The following PPP6C variants were observed in gnomAD, a reference collection of about 807,000 sequenced individuals.
PPP6C encodes the protein serine/threonine-protein phosphatase 6 catalytic subunit.
In PPP6C, 11 loss-of-function variants were observed where a neutral mutation model predicts 39.8. That is an observed-to-expected ratio of 0.28 (90% confidence interval 0.17 to 0.46). PPP6C has a LOEUF of 0.46. Ranked by LOEUF, PPP6C falls within the 20% of genes least tolerant of loss-of-function variation. PPP6C has a pLI of 1.00. For synonymous variants in PPP6C, 129 were observed against 130.3 expected (o/e 0.99, Z 0.07); for missense variants, 211 against 373.9 (o/e 0.56, Z 3.59).
chr9:125,168,786 G>C (rs1427612411), intron 2 of PPP6C, among the ~76,000 whole-genome samples: 2 of 142,240 alleles, frequency 1.4e-5, no homozygotes, highest in Non-Finnish European at 3.1e-5. Context: ...TTTCGAGACA[G>C]AGTCTCACTC....
chr9:125,172,930 G>A (rs1588289672), intron 1 of PPP6C, among the ~76,000 whole-genome samples: 1 of 152,202 alleles, frequency 6.6e-6, no homozygotes, highest in East Asian at 1.9e-4. Flanking sequence ...GGAAAACTGG[G>A]TTATTTTGAA....
rs950430178 is a variant in PPP6C, at chr9:125,147,295, C to T, written c.*2378G>A. Reference sequence around the variant, plus strand: ...CATAGGCAAATAAAAATAGTTTTTACCCCCATTGATACAACATAAGGGATT... The same window carrying T: ...CATAGGCAAATAAAAATAGTTTTTATCCCCATTGATACAACATAAGGGATT... On this transcript the variant is annotated 3_prime_UTR_variant, in exon 7 of 7. Coordinates refer to ENST00000373547, the MANE Select transcript of PPP6C (RefSeq NM_002721.5). The T allele has an allele frequency of 1.1e-4, 16 of 152,132 alleles. No individual in the cohort carries two copies. The highest frequency in any genetic ancestry group is 1.2e-4 in the Non-Finnish European group (8 of 68,010). 9.4% of individuals were successfully genotyped at this position (152,132 alleles called of 1,614,324 possible).
chr9:125,153,627 C>T lies in PPP6C; in HGVS notation c.575G>A (p.Cys192Tyr). The T allele has an allele frequency of 6.2e-7, 1 of 1,614,142 alleles. No homozygotes were observed. The highest frequency in any genetic ancestry group is 8.5e-7 in the Non-Finnish European group (1 of 1,180,034). Residue 192 changes from cysteine (C) to tyrosine (Y), a missense_variant, in exon 6 of 7, where the codon TGT (cysteine) becomes TAT (tyrosine). By Grantham distance (194) the Cys-to-Tyr change is radical. Transcript: ENST00000373547. ...NQEIPHKGAFCDLVWSDPEDV... is the reference protein window; with the variant it reads ...NQEIPHKGAFYDLVWSDPEDV... ...TTCAGGATCTGACCAAACCAGATCA[C>T]AAAATGCTCCTTTATGAGGAATTTC...
Position 125,158,162 on chromosome 9 carries a change from T to C in PPP6C, c.379+79A>G, listed in dbSNP as rs562027519. The C allele has an allele frequency of 3.8e-5, 52 of 1,363,222 alleles. No homozygotes were observed. The South Asian group carries it at 5.2e-4, about 14-fold the overall frequency. 84.4% of individuals were successfully genotyped at this position (1,363,222 alleles called of 1,614,324 possible). A position where few individuals can be genotyped will look rare whatever the true frequency, so the allele number is the denominator to read the frequency against. On this transcript the variant is annotated intron_variant, in intron 4 of 6. Transcript: ENST00000373547. ...TGGGGAAAATAATATACATAAAGCA[T>C]GTGTATGACTTGTGTAGCTTTGTTT...
chr9:125,177,860 A>G (rs1280956455), intron 1 of PPP6C, among the ~76,000 whole-genome samples: 6 of 152,170 alleles, frequency 3.9e-5, no homozygotes, highest in Non-Finnish European at 7.3e-5. Flanking sequence ...CTGTCTCTAT[A>G]GTTTTGCCTT....
chr9:125,166,535 C>CTT (rs1169190980), intron 2 of PPP6C, among the ~76,000 whole-genome samples: 14,394 of 134,350 alleles, frequency 0.11, 969 homozygotes, highest in Non-Finnish European at 0.14. Context: ...TTTTCTTTTT[C>CTT]TTTTTTTTTT....
At chr9:125,157,980 C>T (rs1836122055) in intron 4 of PPP6C, among the ~76,000 whole-genome samples, 1 of 152,078 alleles carries the variant, frequency 6.6e-6, no homozygotes, top group African/African-American at 2.4e-5. Flanking sequence ...TGAGCCACCC[C>T]ACCCGGCCGG....
At chr9:125,157,589 C>T (rs1836111773) in intron 4 of PPP6C, among the ~76,000 whole-genome samples, 1 of 152,014 alleles carries the variant, frequency 6.6e-6, no homozygotes, top group Non-Finnish European at 1.5e-5. Context: ...AGAATGGACT[C>T]TCAAATTTGT....
In PPP6C at chr9:125,149,828, C is replaced by T; in HGVS notation, c.763G>A (p.Val255Ile). The change falls in exon 7 of 7, where the codon GTA becomes ATA. Residue 255 changes from valine to isoleucine, a missense_variant. By Grantham distance (29) the Val-to-Ile change is conservative. This residue lies in a region of PPP6C where 168 missense variants were observed against 342.6 expected (regional missense o/e 0.49). Coordinates refer to ENST00000373547, the MANE Select transcript of PPP6C (RefSeq NM_002721.5). ...TAGCAGTAATTAGGAGCAGACCATA[C>T]TGTCACCAGCTTCTCATCAAACATA... ...KFMFDEKLVT[V>I]WSAPNYCYRC... 1.2e-6 allele frequency: 2 copies of T among 1,614,218 alleles called. No homozygotes were observed. The highest frequency in any genetic ancestry group is 1.7e-6 in the Non-Finnish European group (2 of 1,180,020).
At chr9:125,154,643 G>T (rs1306910931) in intron 4 of PPP6C, among the ~76,000 whole-genome samples, 1 of 152,164 alleles carries the variant, frequency 6.6e-6, no homozygotes, top group Non-Finnish European at 1.5e-5. Context: ...GTTAATATTA[G>T]GCAATTCTGG....
rs1213101174 is a variant in PPP6C, at chr9:125,153,537, T to C, written c.665A>G (p.Asn222Ser). ...TTCCAAAAATGTTGGCTTTACCTCA[T>C]TTGTGACCTTTGCTCCAAAAAGCCA... ...AGWLFGAKVT[N>S]EFVHINNLKL... The change falls in exon 6 of 7, where the codon AAT becomes AGT. Residue 222 changes from asparagine to serine, a missense_variant. Physicochemically the swap from Asn to Ser is conservative, Grantham distance 46. Coordinates refer to ENST00000373547, the MANE Select transcript of PPP6C (RefSeq NM_002721.5). 2 of 1,614,074 alleles carry C rather than the reference T, an allele frequency of 1.2e-6. No homozygotes were observed. Among genetic ancestry groups the C allele is most frequent in the East Asian group, 4.5e-5 (2 of 44,884 alleles).
At chr9:125,159,912 C>T (rs1297780788) in intron 3 of PPP6C, among the ~76,000 whole-genome samples, 1 of 152,120 alleles carries the variant, frequency 6.6e-6, no homozygotes, top group Non-Finnish European at 1.5e-5. Context: ...ATACCAGCTA[C>T]TCGGGAGGCT....
intron 2 of PPP6C, among the ~76,000 whole-genome samples, chr9:125,161,926 T>C (rs1451706733): frequency 1.3e-5 from 2 of 152,180 alleles, no homozygotes; most frequent in African/African-American, 4.8e-5. Context: ...TAACAACTTC[T>C]AACACATTCA....
chr9:125,183,357 G>A (rs1305860534), intron 1 of PPP6C, among the ~76,000 whole-genome samples: 1 of 152,068 alleles, frequency 6.6e-6, no homozygotes, highest in African/African-American at 2.4e-5. Context: ...CTCCATTTAT[G>A]GCAGTGTTTC....
chr9:125,177,041 G>A (rs374561276), intron 1 of PPP6C, among the ~76,000 whole-genome samples: 3 of 152,170 alleles, frequency 2.0e-5, no homozygotes, highest in East Asian at 1.9e-4. Flanking sequence ...CTATTTTTTA[G>A]AGCAGTTTTA....
chr9:125,165,491 TGA>T (rs1325854296), intron 2 of PPP6C, among the ~76,000 whole-genome samples: 1 of 152,158 alleles, frequency 6.6e-6, no homozygotes, highest in East Asian at 1.9e-4. Flanking sequence ...AATTGTTTAG[TGA>T]GAGGAGAATT....
chr9:125,189,050 C>A, intron 1 of PPP6C: 1 of 865,448 alleles, frequency 1.2e-6, no homozygotes, highest in Non-Finnish European at 1.8e-6. Flanking sequence ...ACGGGATTCA[C>A]CTCTGAATTA....
rs781348145 is a variant in PPP6C at position 125,149,670 on chromosome 9, G to C, written c.*3C>G. 6 of 1,613,110 alleles carry C rather than the reference G, an allele frequency of 3.7e-6. No homozygotes were observed. The highest frequency in any genetic ancestry group is 5.1e-6 in the Non-Finnish European group (6 of 1,179,080). ...AAATGGGTCAGCAGGATGGGCGAAG[G>C]CCTCAAAGGAAATATGGCGTTGTCG... is the stretch of plus-strand genomic sequence containing the variant. On this transcript the variant is annotated 3_prime_UTR_variant, in exon 7 of 7. Coordinates refer to ENST00000373547, the MANE Select transcript of PPP6C (RefSeq NM_002721.5).
At chr9:125,181,154 G>A (rs16927930) in intron 1 of PPP6C, among the ~76,000 whole-genome samples, 2,294 of 152,152 alleles carry the variant, frequency 0.015, 108 homozygotes, top group Admixed American at 0.082. Context: ...AACGCTACGT[G>A]ACTCAATCAA....
Sources: allele counts gnomAD v4.1 joint callset (sites outside exome capture counted in the v4.1 genomes callset), GRCh38; gene constraint gnomAD v4.1.1; regional missense constraint gnomAD v4.1.1; transcripts MANE v1.5; gene names NCBI Gene and HGNC (gene_info 2026-07-23, HGNC 2026-07-21).